The following ARFGEF2 variants were observed in gnomAD, a reference collection of about 807,000 sequenced individuals.
The protein encoded by ARFGEF2 is brefeldin A-inhibited guanine nucleotide-exchange protein 2.
In ARFGEF2, 74 loss-of-function variants were observed where a neutral mutation model predicts 219.9. That is an observed-to-expected ratio of 0.34 (90% CI 0.28 to 0.41). ARFGEF2 has a LOEUF of 0.41. Ranked by LOEUF, ARFGEF2 falls within the 10% of genes least tolerant of loss-of-function variation. ARFGEF2 has a pLI of 1.00. For synonymous variants in ARFGEF2, 733 were observed against 799.2 expected (o/e 0.92, Z 1.40); for missense variants, 1,743 against 2,218.3 (o/e 0.79, Z 4.30).
chr20:49,031,917 CAAAA>C (rs3091900), intron 37 of ARFGEF2, 128 bp from the exon 38 acceptor site: 1 of 688,964 alleles, frequency 1.5e-6, no homozygotes, highest in Non-Finnish European at 2.5e-6. Context: ...GACCCTGTCT[CAAAA>C]AAAAAAAAGT....
At chr20:48,961,762 G>A (rs1400979986) in intron 6 of ARFGEF2, among the ~76,000 whole-genome samples, 1 of 152,082 alleles carries the variant, frequency 6.6e-6, no homozygotes, top group Middle Eastern at 3.4e-3. Context: ...TACTCAGGAG[G>A]CTGAGGCAGG....
chr20:49,014,021 A>C lies in ARFGEF2; in HGVS notation c.4179+61A>C, dbSNP rs1376515921. On this transcript the variant is annotated intron_variant, in intron 30 of 38. Transcript: ENST00000371917. ...GGAGAGGAAAGCCTTTCTGGCCGGT[A>C]TTTGCCTCTGGGGGCTGCATCATCG... 1.9e-6 allele frequency: 3 copies of C among 1,607,740 alleles called. No homozygotes were observed. In the African/African-American group the frequency reaches 4.0e-5, roughly 22 times the overall value.
Position 49,033,245 on chromosome 20 carries a change from AT to A in ARFGEF2, c.*47del. ...GCTGCAGCTCTGCAGAATGTTCAGCATGCCATTTCTGACTGGCACATCTCGT... is the reference window on the plus strand; with the variant it reads ...GCTGCAGCTCTGCAGAATGTTCAGCAGCCATTTCTGACTGGCACATCTCGT... On this transcript the variant is annotated 3_prime_UTR_variant, in exon 39 of 39. Coordinates refer to ENST00000371917, the MANE Select transcript of ARFGEF2 (RefSeq NM_006420.3). 6.2e-7 allele frequency: 1 copy of A among 1,607,070 alleles called. No homozygotes were observed. Among genetic ancestry groups the A allele is most frequent in the South Asian group, 1.1e-5 (1 of 90,894 alleles).
chr20:48,927,683 G>GT (rs1186712295), intron 1 of ARFGEF2, among the ~76,000 whole-genome samples: 3 of 149,892 alleles, frequency 2.0e-5, no homozygotes, highest in Admixed American at 2.0e-4. Context: ...GCGAGACTCT[G>GT]TCTCAAAAAA....
At chr20:48,977,747 A>T (rs1381939069) in intron 14 of ARFGEF2, among the ~76,000 whole-genome samples, 2 of 152,180 alleles carry the variant, frequency 1.3e-5, no homozygotes, top group Non-Finnish European at 2.9e-5. Context: ...GCATTTTTTC[A>T]TGTGTCCGTT....
intron 2 of ARFGEF2, 73 bp downstream of exon 2, chr20:48,941,302 C>G: frequency 1.3e-6 from 2 of 1,491,162 alleles, no homozygotes; most frequent in Non-Finnish European, 9.3e-7. Context: ...GAGCCTCTTT[C>G]TCTGCTTGGT....
At chr20:48,933,783 G>A (rs1665891675) in intron 1 of ARFGEF2, among the ~76,000 whole-genome samples, 1 of 151,944 alleles carries the variant, frequency 6.6e-6, no homozygotes, top group South Asian at 2.1e-4. Context: ...AGCATGTGGG[G>A]CTGTTTTTTA....
chr20:48,979,912 TC>T (rs1265261446), intron 14 of ARFGEF2, among the ~76,000 whole-genome samples: 1 of 151,652 alleles, frequency 6.6e-6, no homozygotes, highest in African/African-American at 2.4e-5. Context: ...ATTTTGTTGA[TC>T]TTTTTTAAAA....
chr20:48,970,514 G>T (rs1374542151), intron 9 of ARFGEF2, among the ~76,000 whole-genome samples: 2 of 152,070 alleles, frequency 1.3e-5, no homozygotes, highest in Non-Finnish European at 2.9e-5. Context: ...GGAGGCTGAG[G>T]CAGGAGAATC....
intron 4 of ARFGEF2, among the ~76,000 whole-genome samples, chr20:48,952,375 T>G (rs1410030665): frequency 1.3e-5 from 2 of 152,054 alleles, no homozygotes; most frequent in Non-Finnish European, 1.5e-5. Flanking sequence ...AGGCTGGTCT[T>G]GAACTCGTGA....
chr20:48,962,511 G>T (rs902404073), intron 6 of ARFGEF2, among the ~76,000 whole-genome samples: 11 of 152,124 alleles, frequency 7.2e-5, no homozygotes, highest in Admixed American at 2.0e-4. Flanking sequence ...TATTATAGTG[G>T]TGCATGAATG....
chr20:49,007,329 GC>G (rs1749861701), intron 26 of ARFGEF2, among the ~76,000 whole-genome samples: 1 of 92,194 alleles, frequency 1.1e-5, no homozygotes, highest in African/African-American at 4.6e-5. Flanking sequence ...TGCTCTTTTT[GC>G]CGAGGCTGGA....
chr20:48,941,109 T>C (rs1355391753), intron 1 of ARFGEF2, 90 bp from the exon 2 acceptor site: 2 of 1,199,954 alleles, frequency 1.7e-6, no homozygotes, highest in African/African-American at 3.0e-5. Context: ...TTAACAATCT[T>C]TTCAGTGGTC....
At chr20:49,005,516 A>G (rs1271484300) in intron 26 of ARFGEF2, among the ~76,000 whole-genome samples, 7 of 152,048 alleles carry the variant, frequency 4.6e-5, no homozygotes, top group Non-Finnish European at 7.4e-5. Context: ...AGGCGGGTGG[A>G]TCACGAGGTC....
chr20:48,950,794 TAAAAAAAAAA>T (rs1308938052), intron 3 of ARFGEF2, among the ~76,000 whole-genome samples: 21 of 35,928 alleles, frequency 5.8e-4, no homozygotes, highest in Non-Finnish European at 1.1e-3. Context: ...AGACCCTGTC[TAAAAAAAAAA>T]AAAAAAAATA....
At chr20:48,972,133 G>A (rs536359184) in intron 10 of ARFGEF2, among the ~76,000 whole-genome samples, 193 bp from the exon 11 acceptor site, 11 of 152,258 alleles carry the variant, frequency 7.2e-5, no homozygotes, top group Admixed American at 6.5e-4. Flanking sequence ...GCTCCCCAGT[G>A]GGCCCCACCC....
At chr20:48,941,834 T>C (rs763412106) in intron 2 of ARFGEF2, 30 bp from the exon 3 acceptor site, 2 of 1,614,154 alleles carry the variant, frequency 1.2e-6, no homozygotes, top group African/African-American at 2.7e-5. Flanking sequence ...ATTCATTTCT[T>C]CTCCCGACCC....
At chr20:48,963,175 C>CAAAAAA (rs71337478) in intron 6 of ARFGEF2, among the ~76,000 whole-genome samples, 25,601 of 109,342 alleles carry the variant, frequency 0.23, 3,402 homozygotes, top group African/African-American at 0.28. Flanking sequence ...AACTCTGTCT[C>CAAAAAA]AAAAAAAAAA....
intron 22 of ARFGEF2, 81 bp downstream of exon 22, chr20:48,994,679 G>A: frequency 6.3e-7 from 1 of 1,577,076 alleles, no homozygotes; most frequent in Non-Finnish European, 8.6e-7. Context: ...CATCAGGACT[G>A]TCCTGTAAAC....
Sources: allele counts gnomAD v4.1 joint callset (sites outside exome capture counted in the v4.1 genomes callset), GRCh38; gene constraint gnomAD v4.1.1; transcripts MANE v1.5; gene names NCBI Gene and HGNC (gene_info 2026-07-23, HGNC 2026-07-21).